The following TOM1L2 variants were observed in gnomAD, a reference collection of about 807,000 sequenced individuals.
The protein encoded by TOM1L2 is TOM1-like protein 2.
TOM1L2 carries 31 observed loss-of-function variants against 67.9 expected under a neutral mutation model. The ratio of observed to expected loss-of-function variants is 0.46; its 90% CI spans 0.34 to 0.62. The LOEUF is 0.62. TOM1L2 is among the 20% of genes least tolerant of loss of function. The pLI, the probability that TOM1L2 is intolerant of heterozygous loss-of-function variation, is 0.01. For missense variants in TOM1L2, 606 were observed against 663.5 expected (o/e 0.91, Z 0.95); for synonymous variants, 256 against 254.0 (o/e 1.01, Z -0.07).
intron 7 of TOM1L2, among the ~76,000 whole-genome samples, chr17:17,876,421 G>A (rs2037424981): frequency 6.6e-6 from 1 of 152,216 alleles, no homozygotes; most frequent in African/African-American, 2.4e-5. Flanking sequence ...TTTGTTCCAT[G>A]TGGAGACTGT....
At chr17:17,890,020 C>A (rs1422411688) in intron 4 of TOM1L2, among the ~76,000 whole-genome samples, 1 of 152,188 alleles carries the variant, frequency 6.6e-6, no homozygotes, top group Non-Finnish European at 1.5e-5. Flanking sequence ...AGTGACCTGT[C>A]ACCTCCAACC....
chr17:17,885,155 A>G (rs1021413876), intron 4 of TOM1L2, among the ~76,000 whole-genome samples: 1 of 152,266 alleles, frequency 6.6e-6, no homozygotes, highest in Non-Finnish European at 1.5e-5. Context: ...TCAGCTCAGC[A>G]GGGTGCCTGC....
intron 1 of TOM1L2, among the ~76,000 whole-genome samples, chr17:17,940,070 G>A (rs958039071): frequency 2.6e-5 from 4 of 152,076 alleles, no homozygotes; most frequent in African/African-American, 9.6e-5. Flanking sequence ...GCGGGTGCCT[G>A]TAATCCCAGC....
chr17:17,940,030 T>C (rs1317210268), intron 1 of TOM1L2, among the ~76,000 whole-genome samples: 1 of 151,614 alleles, frequency 6.6e-6, no homozygotes, highest in Non-Finnish European at 1.5e-5. Flanking sequence ...TCATCTCTAC[T>C]AAAAATACAA....
At position 17,917,058 on chromosome 17, in the gene TOM1L2, G is replaced by T. The variant is rs1198124300; in HGVS notation, c.53-9527C>A. ...ACCTATAGTCCCAGCTACTCCGGAG[G>T]CTGAGGCAGGAGAGTCACTTGAACT... On this transcript the variant is annotated intron_variant, in intron 1 of 14. Transcript: ENST00000379504. 2.6e-5 allele frequency among the ~76,000 whole-genome samples: 4 copies of T among 152,280 alleles called. No individual in the cohort carries two copies. The East Asian group carries it at 7.7e-4, about 29-fold the overall frequency.
At position 17,881,970 on chromosome 17, in the gene TOM1L2, T is replaced by C. The variant is rs1056015164; in HGVS notation, c.660+735A>G. Among the ~76,000 whole-genome samples, 5 of 152,216 alleles carry C rather than the reference T, an allele frequency of 3.3e-5. No homozygotes were observed. In the East Asian group the frequency reaches 9.6e-4, roughly 29 times the overall value. ...ATATAAACATTGGAGAGTTTTTTTT[T>C]CCCCCAAGTCTGACCAATTCTCAAA... On this transcript the variant is annotated intron_variant, in intron 6 of 14. Coordinates refer to ENST00000379504, the MANE Select transcript of TOM1L2 (RefSeq NM_001082968.2).
chr17:17,864,033 A>AT (rs1421922455), intron 10 of TOM1L2, among the ~76,000 whole-genome samples: 2 of 149,944 alleles, frequency 1.3e-5, no homozygotes, highest in Non-Finnish European at 3.0e-5. Context: ...CTCGCAGCTA[A>AT]TTTTTTTGTA....
intron 2 of TOM1L2, among the ~76,000 whole-genome samples, chr17:17,905,871 A>T (rs1432227555): frequency 6.6e-6 from 1 of 152,132 alleles, no homozygotes; most frequent in Non-Finnish European, 1.5e-5. Context: ...GCCCTGTGTT[A>T]TCTGGGTCCC....
At chr17:17,929,190 C>T (rs920005366) in intron 1 of TOM1L2, among the ~76,000 whole-genome samples, 1 of 152,172 alleles carries the variant, frequency 6.6e-6, no homozygotes, top group Non-Finnish European at 1.5e-5. Flanking sequence ...CAGCGTCAGG[C>T]GGGGAAGTCA....
intron 4 of TOM1L2, among the ~76,000 whole-genome samples, chr17:17,886,015 C>T (rs1217082112): frequency 6.6e-6 from 1 of 151,962 alleles, no homozygotes; most frequent in East Asian, 1.9e-4. Flanking sequence ...CCAGAAATGG[C>T]CCTTCTCATG....
chr17:17,915,141 C>T (rs1038671904), intron 1 of TOM1L2, among the ~76,000 whole-genome samples: 8 of 152,112 alleles, frequency 5.3e-5, no homozygotes, highest in South Asian at 2.1e-4. Context: ...ATCTGAGTAT[C>T]GGCGAAGTGT....
At chr17:17,952,728 C>A (rs1404740063) in intron 1 of TOM1L2, among the ~76,000 whole-genome samples, 1 of 152,052 alleles carries the variant, frequency 6.6e-6, no homozygotes, top group South Asian at 2.1e-4. Context: ...AAAAATGGGT[C>A]TCTGTGTCAG....
In TOM1L2 at chr17:17,847,593, G is replaced by T; in HGVS notation, c.*42C>A. 1 of 1,566,052 alleles carries T rather than the reference G, an allele frequency of 6.4e-7. No homozygotes were observed. Among genetic ancestry groups the T allele is most frequent in the South Asian group, 1.2e-5 (1 of 82,932 alleles). ...CCAGTGCCCGGTGTCCACGGGGTGCGAGCGGGGACCCGCCATCTGGGGAGG... is the reference window on the plus strand; with the variant it reads ...CCAGTGCCCGGTGTCCACGGGGTGCTAGCGGGGACCCGCCATCTGGGGAGG... On this transcript the variant is annotated 3_prime_UTR_variant, in exon 15 of 15. Coordinates refer to ENST00000379504, the MANE Select transcript of TOM1L2 (RefSeq NM_001082968.2).
In TOM1L2 at chr17:17,884,753, A is replaced by T; in HGVS notation, c.382T>A (p.Phe128Ile). 2.5e-6 allele frequency: 4 copies of T among 1,613,572 alleles called. No individual in the cohort carries two copies. The highest frequency in any genetic ancestry group is 3.4e-6 in the Non-Finnish European group (4 of 1,180,024). The change falls in exon 5 of 15, where the codon TTT (phenylalanine) becomes ATT (isoleucine). Residue 128 changes from phenylalanine (F) to isoleucine (I), a missense_variant. Phe to Ile is a conservative substitution (Grantham distance 21, BLOSUM62 0). Coordinates refer to ENST00000379504, the MANE Select transcript of TOM1L2 (RefSeq NM_001082968.2). Reference sequence around the variant, plus strand: ...CCGGTGAGATCAGGACTGCTTCGAAAGGCATCAGCCCATGCCTGGGATAAT... The same window carrying T: ...CCGGTGAGATCAGGACTGCTTCGAATGGCATCAGCCCATGCCTGGGATAAT... ...LALIQAWADA[F>I]RSSPDLTGVV...
At chr17:17,961,708 C>T (rs552635003) in intron 1 of TOM1L2, among the ~76,000 whole-genome samples, 1 of 152,004 alleles carries the variant, frequency 6.6e-6, no homozygotes, top group Non-Finnish European at 1.5e-5. Context: ...CCTGTCTCTA[C>T]TAAAAATACA....
intron 4 of TOM1L2, 120 bp downstream of exon 4, chr17:17,893,541 T>C (rs1475682578): frequency 9.9e-7 from 1 of 1,006,916 alleles, no homozygotes; most frequent in Non-Finnish European, 1.4e-6. Context: ...GCACCAAATA[T>C]TTTAAATGTA....
At chr17:17,865,795 A>AGTGCAAT (rs1023749012) in intron 10 of TOM1L2, among the ~76,000 whole-genome samples, 1 of 126,112 alleles carries the variant, frequency 7.9e-6, no homozygotes, top group Non-Finnish European at 1.6e-5. Context: ...CCCAGGCTGG[A>AGTGCAAT]GTGCAATGAT....
chr17:17,949,036 C>T (rs956332082), intron 1 of TOM1L2, among the ~76,000 whole-genome samples: 1 of 152,148 alleles, frequency 6.6e-6, no homozygotes, highest in Admixed American at 6.5e-5. Flanking sequence ...TCCCATAGAC[C>T]AGAGAATGGG....
chr17:17,945,380 A>C (rs2040902977), intron 1 of TOM1L2, among the ~76,000 whole-genome samples: 1 of 152,058 alleles, frequency 6.6e-6, no homozygotes. Context: ...TGGCATTGGC[A>C]CTGGATTGAA....
Sources: gnomAD v4.1 joint callset for allele counts (sites outside exome capture counted in the v4.1 genomes callset) on GRCh38, gnomAD v4.1.1 for gene constraint, MANE v1.5 for transcripts, NCBI Gene and HGNC (gene_info 2026-07-23, HGNC 2026-07-21) for gene names.